RASSF8: variants seen among roughly 807,000 people sequenced by gnomAD.
The protein encoded by RASSF8 is ras association domain-containing protein 8.
RASSF8 carries 22 observed loss-of-function variants against 48.5 expected under a neutral mutation model. The ratio of observed to expected loss-of-function variants is 0.45; its 90% CI spans 0.32 to 0.65. The LOEUF (loss-of-function observed/expected upper bound fraction) is 0.65. Ranked by LOEUF, RASSF8 falls within the 30% of genes least tolerant of loss-of-function variation. The probability of loss-of-function intolerance (pLI) is 0.03; values close to 1 mark genes in which losing one functional copy is unlikely to be tolerated. For missense variants in RASSF8, 418 were observed against 489.2 expected, an observed-to-expected ratio of 0.85 and a Z score of 1.37; for synonymous variants, 127 against 171.5, an observed-to-expected ratio of 0.74 and a Z score of 2.03.
At position 25,992,525 on chromosome 12, in the gene RASSF8, G is replaced by A. The variant is rs73296959; in HGVS notation, c.-202-2512G>A. Among the ~76,000 whole-genome samples, 303 of 152,310 alleles carry A rather than the reference G, an allele frequency of 2.0e-3. 2 individuals carry two copies. Among genetic ancestry groups the A allele is most frequent in the African/African-American group, 7.1e-3 (296 of 41,560 alleles). On this transcript the variant is annotated intron_variant, in intron 1 of 5. Coordinates refer to ENST00000689635, the MANE Select transcript of RASSF8 (RefSeq NM_001394098.1). ...GGAGTGACTAGTTTTGATAAGGGGA[G>A]TTTCCAGGGAGTGATGAGATCATAT... is the stretch of plus-strand genomic sequence containing the variant.
chr12:26,075,656 A>C (rs757713143), downstream of RASSF8, among the ~76,000 whole-genome samples: 4 of 152,254 alleles, frequency 2.6e-5, no homozygotes, highest in Non-Finnish European at 4.4e-5. Flanking sequence ...AATTCCGTGT[A>C]CACAAAGTCA....
exon 6 of RASSF8, chr12:26,079,377 G>T: frequency 5.1e-6 from 1 of 197,390 alleles, no homozygotes; most frequent in South Asian, 1.3e-4. Context: ...AAGGTCAGGA[G>T]ACTGAGACCA....
chr12:25,964,993 A>G (rs981542427), intron 1 of RASSF8, among the ~76,000 whole-genome samples: 1 of 152,108 alleles, frequency 6.6e-6, no homozygotes, highest in Non-Finnish European at 1.5e-5. Flanking sequence ...TCCAGGCTGG[A>G]GTGCAGTGGC....
intron 1 of RASSF8, among the ~76,000 whole-genome samples, chr12:25,971,710 C>T (rs528995725): frequency 6.6e-6 from 1 of 152,280 alleles, no homozygotes; most frequent in African/African-American, 2.4e-5. Context: ...TTTGCATTGG[C>T]AGATGCAATG....
intron 1 of RASSF8, among the ~76,000 whole-genome samples, chr12:25,960,518 A>G (rs926751580): frequency 6.6e-6 from 1 of 152,198 alleles, no homozygotes; most frequent in Non-Finnish European, 1.5e-5. Context: ...TCTATGAGGC[A>G]CACTCCCCAA....
chr12:25,998,638 C>T lies in RASSF8; in HGVS notation c.-109+3508C>T, dbSNP rs557751977. On this transcript the variant is annotated intron_variant, in intron 2 of 5. Transcript: ENST00000689635. ...CTGGGATTACAGGCGTGAGCCACCG[C>T]GCCTGGCAAGAAAGCTTTTCTTAAG... Among the ~76,000 whole-genome samples the T allele has an allele frequency of 4.6e-5, 7 of 152,226 alleles. No homozygotes were observed. In the East Asian group the frequency reaches 5.8e-4, roughly 13 times the overall value.
intron 2 of RASSF8, among the ~76,000 whole-genome samples, chr12:26,053,245 G>A (rs1251558589): frequency 6.6e-6 from 1 of 151,418 alleles, no homozygotes; most frequent in Non-Finnish European, 1.5e-5. Context: ...GTGGCAGGGG[G>A]GCTTTAATGA....
rs1943960710 is a variant in RASSF8, at chr12:26,069,729, C to G, written c.*911C>G. The G allele has an allele frequency of 1.0e-6, 1 of 985,194 alleles. No individual in the cohort carries two copies. The highest frequency in any genetic ancestry group is 1.7e-5 in the African/African-American group (1 of 57,228). 61.0% of individuals were successfully genotyped at this position (985,194 alleles called of 1,614,324 possible). A position where few individuals can be genotyped will look rare whatever the true frequency, so the allele number is the denominator to read the frequency against. The stretch of plus-strand genomic sequence containing the variant: ...GGGTTGGTCTACTTCAGGAACATTG[C>G]TTTAAGTGATGTATTTTAAAATAAC... On this transcript the variant is annotated 3_prime_UTR_variant, in exon 6 of 6. Coordinates refer to ENST00000689635, the MANE Select transcript of RASSF8 (RefSeq NM_001394098.1).
At chr12:26,049,173 A>T (rs1420536341) in intron 2 of RASSF8, among the ~76,000 whole-genome samples, 1 of 152,192 alleles carries the variant, frequency 6.6e-6, no homozygotes, top group Non-Finnish European at 1.5e-5. Flanking sequence ...TCTAATAAGC[A>T]TGTTCTTGTG....
intron 3 of RASSF8, among the ~76,000 whole-genome samples, chr12:26,061,339 A>C (rs929950990): frequency 6.6e-6 from 1 of 152,054 alleles, no homozygotes; most frequent in Non-Finnish European, 1.5e-5. Context: ...CTTTTAATTT[A>C]TGTCAATCAG....
At chr12:25,974,700 C>T (rs1378893864) in intron 1 of RASSF8, among the ~76,000 whole-genome samples, 1 of 152,112 alleles carries the variant, frequency 6.6e-6, no homozygotes, top group Non-Finnish European at 1.5e-5. Flanking sequence ...CAAACCTATA[C>T]ATTTATGGTA....
intron 1 of RASSF8, among the ~76,000 whole-genome samples, chr12:25,971,064 A>C (rs904205117): frequency 6.6e-6 from 1 of 152,188 alleles, no homozygotes; most frequent in Non-Finnish European, 1.5e-5. Flanking sequence ...TAAGCTTCTG[A>C]GAGGCTCTTC....
chr12:25,990,479 G>C (rs1207835907), intron 1 of RASSF8, among the ~76,000 whole-genome samples: 2 of 151,964 alleles, frequency 1.3e-5, no homozygotes. Flanking sequence ...AATTAATTTT[G>C]GTATTACCAT....
At chr12:26,022,808 C>T (rs1182404446) in intron 2 of RASSF8, among the ~76,000 whole-genome samples, 1 of 152,006 alleles carries the variant, frequency 6.6e-6, no homozygotes, top group Non-Finnish European at 1.5e-5. Context: ...ATGGCGCGAT[C>T]TCGGCTCACT....
In RASSF8 at chr12:26,072,101, CAT is replaced by C. The variant is rs985353699; in HGVS notation, c.*3284_*3285del. The C allele has an allele frequency of 4.1e-5, 40 of 985,260 alleles. No homozygotes were observed. In the African/African-American group the frequency reaches 7.0e-4, roughly 17 times the overall value. 61.0% of individuals were successfully genotyped at this position (985,260 alleles called of 1,614,324 possible). A position where few individuals can be genotyped will look rare whatever the true frequency, so the allele number is the denominator to read the frequency against. On this transcript the variant is annotated 3_prime_UTR_variant, in exon 6 of 6. Transcript: ENST00000689635. ...AGTGCTTGGGCAGATGGACAGTTCC[CAT>C]TGTGCATTGCCTTTGATAAATTTGG... is the stretch of plus-strand genomic sequence containing the variant.
chr12:25,986,721 T>G (rs1044411422), intron 1 of RASSF8, among the ~76,000 whole-genome samples: 1 of 152,178 alleles, frequency 6.6e-6, no homozygotes, highest in Non-Finnish European at 1.5e-5. Flanking sequence ...ACCTATTCTT[T>G]CCAGTGGCCA....
At chr12:25,979,459 C>T (rs1032798868) in intron 1 of RASSF8, among the ~76,000 whole-genome samples, 3 of 151,926 alleles carry the variant, frequency 2.0e-5, no homozygotes, top group Admixed American at 6.6e-5. Context: ...GTGAGGTTAG[C>T]ACTGAGTTGA....
chr12:26,066,584 G>A (rs889327227), intron 4 of RASSF8, among the ~76,000 whole-genome samples: 3 of 152,090 alleles, frequency 2.0e-5, no homozygotes, highest in African/African-American at 7.2e-5. Context: ...TTTAAAAAAA[G>A]GTACAAGTGG....
intron 1 of RASSF8, among the ~76,000 whole-genome samples, chr12:25,981,858 C>T (rs2136910809): frequency 6.6e-6 from 1 of 152,312 alleles, no homozygotes; most frequent in East Asian, 1.9e-4. Flanking sequence ...AAGCCATCCT[C>T]CCTGTTAACT....
Sources: allele counts gnomAD v4.1 joint callset (sites outside exome capture counted in the v4.1 genomes callset), GRCh38; gene constraint gnomAD v4.1.1; transcripts MANE v1.5; gene names NCBI Gene and HGNC (gene_info 2026-07-23, HGNC 2026-07-21).